Variants in ITM2B observed in about 807,000 individuals in gnomAD.
ITM2B encodes the protein integral membrane protein 2B.
Under a neutral mutation model 27.8 loss-of-function variants are expected in ITM2B, and 11 were observed. The observed-to-expected ratio is 0.40, with a 90% CI of 0.25 to 0.66. The LOEUF (loss-of-function observed/expected upper bound fraction) is 0.66. Ranked by LOEUF, ITM2B falls within the 30% of genes least tolerant of loss-of-function variation. The pLI, the probability that ITM2B is intolerant of heterozygous loss-of-function variation, is 0.43. For missense variants in ITM2B, 296 were observed against 328.9 expected (o/e 0.90, Z 0.77); for synonymous variants, 114 against 114.3 (o/e 1.00, Z 0.02).
chr13:48,248,926 T>C (rs1429921193), intron 1 of ITM2B, among the ~76,000 whole-genome samples: 1 of 152,230 alleles, frequency 6.6e-6, no homozygotes, highest in Non-Finnish European at 1.5e-5. Flanking sequence ...TTACACACTT[T>C]TTCTAGCACT....
rs556751943 is a variant in ITM2B, at chr13:48,254,686, TTAAC to T, written c.246+754_246+757del. On this transcript the variant is annotated intron_variant, in intron 2 of 5. Transcript: ENST00000647800. ...TGACAACTAGACTTATTAAAATAAT[TTAAC>T]TAATTTTGAAACATTCTCAATTTCA... 3.0e-3 allele frequency among the ~76,000 whole-genome samples: 464 copies of T among 152,318 alleles called. 5 individuals carry two copies. Among genetic ancestry groups the T allele is most frequent in the African/African-American group, 0.01 (435 of 41,568 alleles).
At chr13:48,243,599 C>T (rs1416882061) in intron 1 of ITM2B, among the ~76,000 whole-genome samples, 1 of 151,884 alleles carries the variant, frequency 6.6e-6, no homozygotes, top group Non-Finnish European at 1.5e-5. Flanking sequence ...GAGGCTGAGG[C>T]AGGAGAATTG....
intron 1 of ITM2B, among the ~76,000 whole-genome samples, chr13:48,235,230 A>G (rs1951660853): frequency 6.6e-6 from 1 of 152,216 alleles, no homozygotes; most frequent in African/African-American, 2.4e-5. Flanking sequence ...CATTTCTGAA[A>G]TAGTGACTCT....
intron 1 of ITM2B, among the ~76,000 whole-genome samples, chr13:48,250,789 T>G (rs1951751466): frequency 6.6e-6 from 1 of 152,170 alleles, no homozygotes; most frequent in South Asian, 2.1e-4. Context: ...TGAATTATTC[T>G]CATGAAAGAA....
intron 1 of ITM2B, among the ~76,000 whole-genome samples, chr13:48,248,068 C>T (rs1005221558): frequency 6.6e-6 from 1 of 151,912 alleles, no homozygotes; most frequent in Non-Finnish European, 1.5e-5. Context: ...AGTGAAGAAG[C>T]TCTTACTTGT....
intron 1 of ITM2B, among the ~76,000 whole-genome samples, chr13:48,238,825 AT>A (rs962931583): frequency 1.3e-4 from 20 of 150,564 alleles, no homozygotes; most frequent in Non-Finnish European, 2.5e-4. Context: ...TCAAATTATT[AT>A]TTTTTTTTAG....
At chr13:48,249,805 A>AT (rs796729283) in intron 1 of ITM2B, among the ~76,000 whole-genome samples, 244 of 151,246 alleles carry the variant, frequency 1.6e-3, no homozygotes, top group African/African-American at 5.5e-3. Flanking sequence ...GTTTGCAAAG[A>AT]TTTTTTTTTA....
rs757109548 is a variant in ITM2B, at chr13:48,258,198, C to T, written c.526C>T (p.Pro176Ser). The T allele has an allele frequency of 1.3e-6, 2 of 1,598,778 alleles. No individual in the cohort carries two copies. The highest frequency in any genetic ancestry group is 1.7e-6 in the Non-Finnish European group (2 of 1,166,310). Residue 176 changes from proline (P) to serine (S), a missense_variant, in exon 4 of 6, where the codon CCA becomes TCA. Physicochemically the swap from Pro to Ser is moderately conservative, Grantham distance 74. Transcript: ENST00000647800. ...CCCTCTGAACACTTCCATTGTTATG[C>T]CACCCAGAAACCTACTGGAGTTACT... ...VIPLNTSIVMPPRNLLELLIN... is the reference protein window; with the variant it reads ...VIPLNTSIVMSPRNLLELLIN...
chr13:48,254,053 A>G (rs1951771613), intron 2 of ITM2B, 117 bp downstream of exon 2: 2 of 953,904 alleles, frequency 2.1e-6, no homozygotes, highest in East Asian at 2.5e-5. Context: ...TGTGACCTTC[A>G]GCCAGAGTGG....
At position 48,264,948 on chromosome 13, in the gene ITM2B, A is replaced by G. The variant is rs1323091220; in HGVS notation, c.*3724A>G. On this transcript the variant is annotated 3_prime_UTR_variant, in exon 6 of 6. Transcript: ENST00000647800. ...AATTATTTCCTGATAGCACACATGT[A>G]TGGGTTGTAGATTCCACACTTTTAA... The G allele has an allele frequency of 1.3e-5, 2 of 152,054 alleles. No individual in the cohort carries two copies. Among genetic ancestry groups the G allele is most frequent in the African/African-American group, 2.4e-5 (1 of 41,400 alleles). 9.4% of individuals were successfully genotyped at this position (152,054 alleles called of 1,614,324 possible).
rs1951855744 is a variant in ITM2B at position 48,266,786 on chromosome 13, G to A, written c.*5562G>A. The A allele has an allele frequency of 6.6e-6, 1 of 152,104 alleles. No homozygotes were observed. The highest frequency in any genetic ancestry group is 2.4e-5 in the African/African-American group (1 of 41,404). 9.4% of individuals were successfully genotyped at this position (152,104 alleles called of 1,614,324 possible). Reference sequence around the variant, plus strand: ...GTTCAAAGTTAGAGCCTCATTTTAAGTAAAATGTTCTGTGGGGGCCATATT... The same window carrying A: ...GTTCAAAGTTAGAGCCTCATTTTAAATAAAATGTTCTGTGGGGGCCATATT... On this transcript the variant is annotated 3_prime_UTR_variant, in exon 6 of 6. Coordinates refer to ENST00000647800, the MANE Select transcript of ITM2B (RefSeq NM_021999.5).
intron 2 of ITM2B, among the ~76,000 whole-genome samples, chr13:48,254,258 G>C (rs1401540327): frequency 6.6e-6 from 1 of 152,178 alleles, no homozygotes; most frequent in African/African-American, 2.4e-5. Flanking sequence ...TCAATTGCCA[G>C]TTGAATAAAT....
chr13:48,258,742 T>A, intron 4 of ITM2B, 55 bp from the exon 5 acceptor site: 1 of 1,528,082 alleles, frequency 6.5e-7, no homozygotes, highest in Non-Finnish European at 9.1e-7. Flanking sequence ...GTTTCTCTAG[T>A]CTACTCAGTG....
chr13:48,236,264 A>G (rs923646827), intron 1 of ITM2B, among the ~76,000 whole-genome samples: 11 of 152,226 alleles, frequency 7.2e-5, no homozygotes, highest in Non-Finnish European at 5.9e-5. Flanking sequence ...TGAATTTGAA[A>G]TTATATACAT....
chr13:48,242,476 C>T (rs1332035015), intron 1 of ITM2B, among the ~76,000 whole-genome samples: 1 of 151,922 alleles, frequency 6.6e-6, no homozygotes, highest in Non-Finnish European at 1.5e-5. Flanking sequence ...TGCACTCATA[C>T]AAATGTCCTG....
intron 1 of ITM2B, among the ~76,000 whole-genome samples, chr13:48,234,682 A>G (rs1951657104): frequency 6.6e-6 from 1 of 152,218 alleles, no homozygotes; most frequent in African/African-American, 2.4e-5. Flanking sequence ...TCAGAATATA[A>G]TGGTAATCTT....
At chr13:48,239,983 TATTCAGGAAGCAGCAGCACTAGCAGA>T (rs1285640194) in intron 1 of ITM2B, among the ~76,000 whole-genome samples, 4 of 152,212 alleles carry the variant, frequency 2.6e-5, no homozygotes, top group Non-Finnish European at 5.9e-5. Flanking sequence ...GGGCTGCTGC[TATTCAGGAAGCAGCAGCACTAGCAGA>T]ATTCAGGTTA....
Position 48,253,931 on chromosome 13 carries a change from C to T in ITM2B, c.241C>T (p.Leu81Phe), listed in dbSNP as rs1951770427. The stretch of plus-strand genomic sequence containing the variant: ...AGCATACTTGTACAAATATTTTGCA[C>T]TTCAAGTAAGTGGAAAAATTATTTT... Reference protein sequence around the residue: ...GGAYLYKYFALQPDDVYYCGI... With the variant: ...GGAYLYKYFAFQPDDVYYCGI... The change falls in exon 2 of 6, where the codon CTT becomes TTT. Residue 81 changes from leucine (L) to phenylalanine (F), a missense_variant. Transcript: ENST00000647800. 3 of 1,610,166 alleles carry T rather than the reference C, an allele frequency of 1.9e-6. No homozygotes were observed. The highest frequency in any genetic ancestry group is 1.3e-5 in the African/African-American group (1 of 74,496).
At chr13:48,246,282 G>A (rs896381526) in intron 1 of ITM2B, among the ~76,000 whole-genome samples, 5 of 152,210 alleles carry the variant, frequency 3.3e-5, no homozygotes, top group African/African-American at 1.2e-4. Context: ...AGCTTTCTGT[G>A]TAATGCCAGA....
Sources: gnomAD v4.1 joint callset for allele counts (sites outside exome capture counted in the v4.1 genomes callset) on GRCh38, gnomAD v4.1.1 for gene constraint, MANE v1.5 for transcripts, NCBI Gene and HGNC (gene_info 2026-07-23, HGNC 2026-07-21) for gene names.